NTN1: variants seen among roughly 807,000 people sequenced by gnomAD.
NTN1 encodes netrin-1.
In NTN1, 11 loss-of-function variants were observed where a neutral mutation model predicts 54.2. The ratio of observed to expected loss-of-function variants is 0.20; its 90% CI spans 0.13 to 0.34. NTN1 has a LOEUF of 0.34. NTN1 is among the 10% of genes least tolerant of loss of function. The probability of loss-of-function intolerance (pLI) is 1.00; values close to 1 mark genes in which losing one functional copy is unlikely to be tolerated. For synonymous variants in NTN1, 371 were observed against 382.0 expected, an observed-to-expected ratio of 0.97 and a Z score of 0.33; for missense variants, 740 against 893.1, an observed-to-expected ratio of 0.83 and a Z score of 2.18.
chr17:9,027,871 A>G (rs1254270279), intron 2 of NTN1, among the ~76,000 whole-genome samples: 1 of 152,040 alleles, frequency 6.6e-6, no homozygotes, highest in Non-Finnish European at 1.5e-5. Flanking sequence ...TCTCTTTCAA[A>G]GGTGGCGAAG....
intron 2 of NTN1, among the ~76,000 whole-genome samples, chr17:9,112,103 G>A (rs543439164): frequency 3.9e-5 from 6 of 152,224 alleles, no homozygotes; most frequent in Non-Finnish European, 4.4e-5. Context: ...CAAGCCAGGC[G>A]AAACCTAGCT....
intron 2 of NTN1, among the ~76,000 whole-genome samples, chr17:9,030,358 A>G (rs2151509436): frequency 6.6e-6 from 1 of 152,372 alleles, no homozygotes; most frequent in African/African-American, 2.4e-5. Context: ...CAATCCCTGG[A>G]CCTTCTGTCA....
chr17:9,220,890 C>G (rs946796797), intron 5 of NTN1, among the ~76,000 whole-genome samples: 1 of 150,486 alleles, frequency 6.6e-6, no homozygotes, highest in Admixed American at 6.6e-5. Flanking sequence ...TGGCAGGAGC[C>G]CCCCGAGACT....
At chr17:9,117,893 G>C (rs1015463644) in intron 2 of NTN1, among the ~76,000 whole-genome samples, 3 of 152,100 alleles carry the variant, frequency 2.0e-5, no homozygotes, top group Admixed American at 6.5e-5. Context: ...GTTGGAAAGG[G>C]CTGAGAGGTA....
intron 2 of NTN1, among the ~76,000 whole-genome samples, chr17:9,055,565 C>T (rs2091976390): frequency 6.6e-6 from 1 of 152,128 alleles, no homozygotes; most frequent in African/African-American, 2.4e-5. Flanking sequence ...GAGACCATTT[C>T]AGGTCAAGAG....
chr17:9,044,962 A>G (rs1379519936), intron 2 of NTN1, among the ~76,000 whole-genome samples: 2 of 152,196 alleles, frequency 1.3e-5, no homozygotes, highest in African/African-American at 4.8e-5. Flanking sequence ...TACAGGAAAA[A>G]AATGCACTGT....
chr17:9,076,430 T>C (rs941010524), intron 2 of NTN1, among the ~76,000 whole-genome samples: 3 of 152,214 alleles, frequency 2.0e-5, no homozygotes, highest in African/African-American at 7.2e-5. Context: ...TGGAGTGCAG[T>C]GGTGCAATCA....
intron 2 of NTN1, among the ~76,000 whole-genome samples, chr17:9,064,586 GT>G (rs2092009033): frequency 6.6e-6 from 1 of 152,174 alleles, no homozygotes; most frequent in Non-Finnish European, 1.5e-5. Context: ...CCTACTCGGT[GT>G]ATTTCATGTC....
chr17:9,164,727 C>T (rs2142301259), intron 3 of NTN1, among the ~76,000 whole-genome samples: 1 of 152,274 alleles, frequency 6.6e-6, no homozygotes, highest in Middle Eastern at 3.4e-3. Context: ...TGTCTGCGGA[C>T]TTACGGCTGC....
At chr17:9,129,186 C>A (rs555933509) in intron 2 of NTN1, among the ~76,000 whole-genome samples, 12 of 152,238 alleles carry the variant, frequency 7.9e-5, no homozygotes, top group Admixed American at 3.3e-4. Context: ...CTCAAGCCAG[C>A]GTGGGACTGG....
chr17:9,239,389 C>A lies in NTN1; in HGVS notation c.1487-251C>A, dbSNP rs1206526627. Among the ~76,000 whole-genome samples the A allele has an allele frequency of 2.6e-5, 4 of 152,178 alleles. No individual in the cohort carries two copies. The highest frequency in any genetic ancestry group is 5.9e-5 in the Non-Finnish European group (4 of 68,030). On this transcript the variant is annotated intron_variant, in intron 6 of 6. Coordinates refer to ENST00000173229, the MANE Select transcript of NTN1 (RefSeq NM_004822.3). The surrounding 1 kb of genome is among the most constrained non-coding windows in gnomAD (Gnocchi z 5.2). ...CTGGACAAAGTGGGCCTTGACAAGGCCAGGAGATGGCTTGTCCCGACGGCA... is the reference window on the plus strand; with the variant it reads ...CTGGACAAAGTGGGCCTTGACAAGGACAGGAGATGGCTTGTCCCGACGGCA...
chr17:9,114,551 G>A (rs762351171), intron 2 of NTN1, among the ~76,000 whole-genome samples: 10 of 151,574 alleles, frequency 6.6e-5, no homozygotes, highest in Middle Eastern at 3.5e-3. Flanking sequence ...TCAGGAGTTC[G>A]AGACCAGCCT....
chr17:9,132,264 T>C (rs2142271396), intron 2 of NTN1, among the ~76,000 whole-genome samples: 1 of 152,268 alleles, frequency 6.6e-6, no homozygotes, highest in East Asian at 1.9e-4. Flanking sequence ...ACAAGCCATG[T>C]ACTTTCATGA....
intron 2 of NTN1, among the ~76,000 whole-genome samples, chr17:9,053,605 C>G (rs1168578492): frequency 6.6e-6 from 1 of 152,238 alleles, no homozygotes; most frequent in Non-Finnish European, 1.5e-5. Context: ...AGGATTCCGA[C>G]TGTTATCTTT....
chr17:9,176,778 A>G (rs2092401226), intron 3 of NTN1: 1 of 152,216 alleles, frequency 6.6e-6, no homozygotes, highest in Admixed American at 6.5e-5. Flanking sequence ...CAAGAAATAC[A>G]AAGGGGGCCA....
At chr17:9,093,443 G>C (rs1486911061) in intron 2 of NTN1, among the ~76,000 whole-genome samples, 2 of 152,136 alleles carry the variant, frequency 1.3e-5, no homozygotes, top group Non-Finnish European at 2.9e-5. Flanking sequence ...GTTCACTGTA[G>C]TTTTGACCTA....
intron 3 of NTN1, among the ~76,000 whole-genome samples, chr17:9,166,761 G>C (rs538891860): frequency 6.6e-6 from 1 of 152,310 alleles, no homozygotes; most frequent in South Asian, 2.1e-4. Context: ...ACAAAGGGCA[G>C]GGGTTCTTGA....
At chr17:9,019,650 G>C (rs977112528), upstream of NTN1, among the ~76,000 whole-genome samples, 39 of 152,344 alleles carry the variant, frequency 2.6e-4, no homozygotes, top group African/African-American at 9.4e-4. Context: ...CCCTTGTACA[G>C]ATGGAGGAAA....
At chr17:9,129,103 CAA>C (rs2092255873) in intron 2 of NTN1, among the ~76,000 whole-genome samples, 1 of 152,054 alleles carries the variant, frequency 6.6e-6, no homozygotes, top group Non-Finnish European at 1.5e-5. Context: ...CCTCGGCCAG[CAA>C]AAAGAGAGGG....
Sources: gnomAD v4.1 joint callset for allele counts (sites outside exome capture counted in the v4.1 genomes callset) on GRCh38, gnomAD v4.1.1 for gene constraint, Gnocchi (gnomAD v3.1) non-coding constraint, MANE v1.5 for transcripts, NCBI Gene and HGNC (gene_info 2026-07-23, HGNC 2026-07-21) for gene names.